Variants in ZNF385D observed in about 807,000 individuals in gnomAD.
ZNF385D encodes the protein zinc finger protein 385D.
ZNF385D carries 15 observed loss-of-function variants against 35.8 expected under a neutral mutation model. That is an observed-to-expected ratio of 0.42 (90% CI 0.28 to 0.64). The LOEUF is 0.64. ZNF385D is among the 30% of genes least tolerant of loss of function. The pLI is 0.23. For missense variants in ZNF385D, 474 were observed against 494.6 expected, an observed-to-expected ratio of 0.96 and a Z score of 0.39; for synonymous variants, 212 against 186.8, an observed-to-expected ratio of 1.13 and a Z score of -1.10.
intron 2 of ZNF385D, among the ~76,000 whole-genome samples, chr3:21,637,048 T>G (rs889662602): frequency 6.6e-6 from 1 of 152,094 alleles, no homozygotes; most frequent in African/African-American, 2.4e-5. Context: ...ACTCTGTGAG[T>G]TGTCTGTTTA....
At chr3:22,010,027 C>T (rs961473456) in intron 3 of ZNF385D, among the ~76,000 whole-genome samples, 9 of 151,984 alleles carry the variant, frequency 5.9e-5, no homozygotes, top group Non-Finnish European at 1.0e-4. Flanking sequence ...AACACAGTCA[C>T]TTCTGAACTG....
At chr3:21,747,804 T>C (rs538679710) in intron 1 of ZNF385D, among the ~76,000 whole-genome samples, 13 of 152,344 alleles carry the variant, frequency 8.5e-5, no homozygotes, top group East Asian at 3.9e-4. Flanking sequence ...TCTTCCTTAA[T>C]CTAGGGAGAA....
chr3:22,198,965 A>C (rs913691565), intron 2 of ZNF385D, among the ~76,000 whole-genome samples: 1 of 152,260 alleles, frequency 6.6e-6, no homozygotes, highest in Middle Eastern at 3.4e-3. Context: ...CTGTCTTAAC[A>C]TCTGCAAAAT....
intron 1 of ZNF385D, among the ~76,000 whole-genome samples, chr3:21,712,584 T>C (rs924339846): frequency 6.6e-6 from 1 of 152,186 alleles, no homozygotes; most frequent in Admixed American, 6.5e-5. Flanking sequence ...GTAACACCGC[T>C]GTAAAATGAC....
intron 2 of ZNF385D, among the ~76,000 whole-genome samples, chr3:22,358,027 T>G (rs980595599): frequency 2.6e-5 from 4 of 151,916 alleles, no homozygotes; most frequent in African/African-American, 9.7e-5. Flanking sequence ...AAATGTTGAA[T>G]TATATCCATA....
At chr3:21,745,945 C>T (rs1397226954) in intron 1 of ZNF385D, among the ~76,000 whole-genome samples, 1 of 152,142 alleles carries the variant, frequency 6.6e-6, no homozygotes, top group Admixed American at 6.6e-5. Flanking sequence ...TAAGTCAATA[C>T]TTAATGTATT....
At chr3:21,612,423 A>C (rs1241342260) in intron 2 of ZNF385D, among the ~76,000 whole-genome samples, 1 of 152,110 alleles carries the variant, frequency 6.6e-6, no homozygotes, top group Non-Finnish European at 1.5e-5. Context: ...AACTATTCTC[A>C]GATAAAGAAA....
chr3:21,565,641 TAGTC>T (rs1406128910), intron 2 of ZNF385D, among the ~76,000 whole-genome samples: 4 of 152,312 alleles, frequency 2.6e-5, no homozygotes, highest in East Asian at 1.9e-4. Context: ...TTACTTAGGA[TAGTC>T]AGTCTGGGCG....
intron 3 of ZNF385D, among the ~76,000 whole-genome samples, chr3:22,083,405 A>T (rs112427291): frequency 0.018 from 2,703 of 152,350 alleles, 98 homozygotes; most frequent in African/African-American, 0.061. Flanking sequence ...GATGGAGCTG[A>T]AAACCATGGC....
At chr3:21,784,360 C>G (rs2071605039) in intron 3 of ZNF385D, among the ~76,000 whole-genome samples, 1 of 152,090 alleles carries the variant, frequency 6.6e-6, no homozygotes, top group East Asian at 1.9e-4. Flanking sequence ...TCACTTTAAC[C>G]ATCTTTTTTT....
intron 4 of ZNF385D, among the ~76,000 whole-genome samples, chr3:21,505,561 C>T (rs1172133982): frequency 2.0e-5 from 3 of 152,098 alleles, no homozygotes; most frequent in Non-Finnish European, 4.4e-5. Flanking sequence ...AATATTGAAA[C>T]AATTGCAGCT....
intron 2 of ZNF385D, among the ~76,000 whole-genome samples, chr3:22,331,805 A>T (rs1156375917): frequency 6.6e-6 from 1 of 152,202 alleles, no homozygotes; most frequent in Non-Finnish European, 1.5e-5. Context: ...CATCTTTAAT[A>T]TAGTGACATA....
At chr3:21,635,764 A>G (rs143167421) in intron 2 of ZNF385D, among the ~76,000 whole-genome samples, 30 of 152,128 alleles carry the variant, frequency 2.0e-4, no homozygotes, top group African/African-American at 7.0e-4. Context: ...TTATGCCTTT[A>G]CATTCTCATA....
chr3:22,003,558 C>T (rs1350003777), intron 3 of ZNF385D, among the ~76,000 whole-genome samples: 1 of 151,962 alleles, frequency 6.6e-6, no homozygotes, highest in Non-Finnish European at 1.5e-5. Context: ...ATGTTTTTTA[C>T]AGAAATGAAA....
chr3:21,960,442 C>T (rs988868141), intron 3 of ZNF385D, among the ~76,000 whole-genome samples: 4 of 115,936 alleles, frequency 3.5e-5, no homozygotes, highest in Non-Finnish European at 7.8e-5. Context: ...ATAGCAAATG[C>T]TGGTGTGGAT....
At chr3:22,360,803 T>C (rs1414801296) in intron 2 of ZNF385D, among the ~76,000 whole-genome samples, 1 of 151,996 alleles carries the variant, frequency 6.6e-6, no homozygotes, top group Non-Finnish European at 1.5e-5. Flanking sequence ...TCTCCTTTAG[T>C]GGGAATTTAT....
At chr3:21,733,881 C>A (rs2069125633) in intron 1 of ZNF385D, among the ~76,000 whole-genome samples, 1 of 152,062 alleles carries the variant, frequency 6.6e-6, no homozygotes, top group African/African-American at 2.4e-5. Flanking sequence ...TTTATCATAG[C>A]CTAAATCCCC....
At chr3:22,260,311 C>T (rs934552385) in intron 2 of ZNF385D, among the ~76,000 whole-genome samples, 20 of 151,754 alleles carry the variant, frequency 1.3e-4, no homozygotes, top group African/African-American at 4.8e-4. Context: ...ACAATGAGAA[C>T]ACAGGGAGGG....
intron 1 of ZNF385D, among the ~76,000 whole-genome samples, chr3:21,683,974 T>G (rs1437060816): frequency 6.7e-6 from 1 of 150,276 alleles, no homozygotes; most frequent in African/African-American, 2.5e-5. Flanking sequence ...GCCACATCTG[T>G]GCTGGACTTC....
Sources: allele counts gnomAD v4.1 joint callset (sites outside exome capture counted in the v4.1 genomes callset), GRCh38; gene constraint gnomAD v4.1.1; transcripts MANE v1.5; gene names NCBI Gene and HGNC (gene_info 2026-07-23, HGNC 2026-07-21).